LPIN2: variants seen among roughly 807,000 people sequenced by gnomAD.
LPIN2 encodes the protein lipin 2.
LPIN2 carries 55 observed loss-of-function variants against 111.4 expected under a neutral mutation model. The ratio of observed to expected loss-of-function variants is 0.49; its 90% CI spans 0.40 to 0.62. LPIN2 has a LOEUF of 0.62. Ranked by LOEUF, LPIN2 falls within the 20% of genes least tolerant of loss-of-function variation. LPIN2 has a pLI of 0.00. For synonymous variants in LPIN2, 425 were observed against 414.0 expected (o/e 1.03, Z -0.32); for missense variants, 992 against 1,112.1 (o/e 0.89, Z 1.54).
chr18:2,962,195 G>A (rs969200906), intron 1 of LPIN2, among the ~76,000 whole-genome samples: 1 of 152,116 alleles, frequency 6.6e-6, no homozygotes, highest in African/African-American at 2.4e-5. Context: ...GTGTAATCAA[G>A]GCCCATCAGT....
rs767322939 is a variant in LPIN2, at chr18:2,939,462, G to A, written c.822+18C>T. Reference sequence around the variant, plus strand: ...TTAATCATTAACACACTTTCCACAGGCAAGTAAACCCTAGTACCTTGGTGG... The same window carrying A: ...TTAATCATTAACACACTTTCCACAGACAAGTAAACCCTAGTACCTTGGTGG... On this transcript the variant is annotated intron_variant, in intron 6 of 19. Coordinates refer to ENST00000677752, the MANE Select transcript of LPIN2 (RefSeq NM_001375808.2). 5 of 1,612,842 alleles carry A rather than the reference G, an allele frequency of 3.1e-6. No homozygotes were observed. In the East Asian group the frequency reaches 1.1e-4, roughly 36 times the overall value.
intron 10 of LPIN2, 87 bp downstream of exon 10, chr18:2,928,974 AGAAG>A: frequency 3.4e-6 from 3 of 881,136 alleles, no homozygotes. Flanking sequence ...AAGTTTTATA[AGAAG>A]GAACACTTTT....
chr18:2,926,850 C>A (rs1262967779), intron 12 of LPIN2, 45 bp from the exon 13 acceptor site: 5 of 1,500,712 alleles, frequency 3.3e-6, no homozygotes, highest in Non-Finnish European at 2.8e-6. Flanking sequence ...TTTTTCCCTA[C>A]AGATAAGCCA....
At chr18:2,989,702 C>G (rs1203967039) in intron 1 of LPIN2, among the ~76,000 whole-genome samples, 2 of 152,096 alleles carry the variant, frequency 1.3e-5, no homozygotes, top group Non-Finnish European at 2.9e-5. Context: ...GGGCAGAACA[C>G]TTGAGGTCAG....
chr18:2,983,338 T>C (rs770528670), intron 1 of LPIN2, among the ~76,000 whole-genome samples: 1 of 152,176 alleles, frequency 6.6e-6, no homozygotes, highest in Non-Finnish European at 1.5e-5. Context: ...CTGGGAGATA[T>C]CCTGCTCAGT....
At chr18:2,972,429 CAA>C (rs1240813111) in intron 1 of LPIN2, 1 of 152,172 alleles carries the variant, frequency 6.6e-6, no homozygotes, top group East Asian at 1.9e-4. Flanking sequence ...AACACAACCA[CAA>C]AGTTATCCAT....
At chr18:2,923,943 CAAT>C in intron 15 of LPIN2, 82 bp from the exon 16 acceptor site, 1 of 1,088,688 alleles carries the variant, frequency 9.2e-7, no homozygotes, top group Non-Finnish European at 1.4e-6. Context: ...TATCAGCTGC[CAAT>C]AACTAATTGG....
chr18:3,006,956 C>T (rs1388322925), intron 1 of LPIN2, among the ~76,000 whole-genome samples: 4 of 151,722 alleles, frequency 2.6e-5, no homozygotes, highest in Admixed American at 1.3e-4. Context: ...GCTGAGATAG[C>T]CCCACTGCAC....
intron 3 of LPIN2, 139 bp downstream of exon 3, chr18:2,954,364 CA>C (rs2077579074): frequency 1.5e-6 from 1 of 680,468 alleles, no homozygotes. Flanking sequence ...CTTAGTTCTT[CA>C]ACATGAAACT....
At chr18:2,970,361 T>C (rs1315811619) in intron 1 of LPIN2, among the ~76,000 whole-genome samples, 2 of 152,146 alleles carry the variant, frequency 1.3e-5, no homozygotes, top group African/African-American at 2.4e-5. Flanking sequence ...GTGGGAAACA[T>C]CTGGCCCAAA....
intron 1 of LPIN2, among the ~76,000 whole-genome samples, chr18:2,978,666 T>TCAAAA (rs932451572): frequency 2.0e-5 from 3 of 152,250 alleles, no homozygotes; most frequent in Admixed American, 6.5e-5. Flanking sequence ...AGTTTCATTT[T>TCAAAA]CAAAACAAAA....
intron 16 of LPIN2, among the ~76,000 whole-genome samples, chr18:2,922,789 T>C (rs1444303413): frequency 6.6e-6 from 1 of 152,158 alleles, no homozygotes; most frequent in Non-Finnish European, 1.5e-5. Context: ...AAAGCCAGAT[T>C]AGAGGACAGA....
At chr18:2,998,725 G>T (rs1046877935) in intron 1 of LPIN2, among the ~76,000 whole-genome samples, 3 of 151,918 alleles carry the variant, frequency 2.0e-5, no homozygotes, top group Admixed American at 6.6e-5. Context: ...GCTCATATCT[G>T]AAAAAAGAAA....
intron 1 of LPIN2, among the ~76,000 whole-genome samples, chr18:3,010,305 T>C (rs1340291611): frequency 1.3e-5 from 2 of 152,222 alleles, no homozygotes; most frequent in African/African-American, 4.8e-5. Flanking sequence ...ATTACCAAGG[T>C]ATAGCCATAA....
Position 2,924,272 on chromosome 18 carries a change from T to C in LPIN2, c.2087+126A>G, listed in dbSNP as rs968644409. ...ACTGTACTGGGGACGCCTCAGAGCA[T>C]ATGGCTTATAAAATGCCTTGGCTGA... On this transcript the variant is annotated intron_variant, in intron 15 of 19. Coordinates refer to ENST00000677752, the MANE Select transcript of LPIN2 (RefSeq NM_001375808.2). 4.2e-6 allele frequency: 5 copies of C among 1,184,786 alleles called. No homozygotes were observed. The Admixed American group carries it at 7.0e-5, about 17-fold the overall frequency. 73.4% of individuals were successfully genotyped at this position (1,184,786 alleles called of 1,614,324 possible). A position where few individuals can be genotyped will look rare whatever the true frequency, so the allele number is the denominator to read the frequency against.
intron 4 of LPIN2, among the ~76,000 whole-genome samples, chr18:2,942,736 C>G (rs1301709979): frequency 6.6e-6 from 1 of 152,174 alleles, no homozygotes; most frequent in Non-Finnish European, 1.5e-5. Context: ...TCCTAAGATT[C>G]CTTTATTAAA....
rs769901079 is a variant in LPIN2 at position 2,920,375 on chromosome 18, G to C, written c.2609C>G (p.Ser870Cys). ...VFPLLSKEQN[S>C]AFPCPEFSSF... ...GCTGAACTCCGGGCAGGGAAAAGCG[G>C]AATTCTGCTCCTTACTGAGAAGGGG... Residue 870 changes from serine (S) to cysteine (C), a missense_variant, in exon 20 of 20, where the codon TCC (serine) becomes TGC (cysteine). Physicochemically the swap from Ser to Cys is moderately radical, Grantham distance 112 (BLOSUM62 -1). Transcript: ENST00000677752. 1.2e-5 allele frequency: 19 copies of C among 1,614,100 alleles called. No homozygotes were observed. Among genetic ancestry groups the C allele is most frequent in the Non-Finnish European group, 1.5e-5 (18 of 1,180,038 alleles).
chr18:2,921,596 A>G lies in LPIN2; in HGVS notation c.2379T>C (p.Asp793=). The G allele has an allele frequency of 6.2e-7, 1 of 1,614,182 alleles. No homozygotes were observed. Among genetic ancestry groups the G allele is most frequent in the Non-Finnish European group, 8.5e-7 (1 of 1,180,010 alleles). Residue 793 remains aspartate (D), a synonymous_variant, in exon 18 of 20, where the codon GAT becomes GAC. Transcript: ENST00000677752. ...TAGACGGGGCAAACAGATTCTTGATATCATTTAGACACTCAATTTTGAACT... is the reference window on the plus strand; with the variant it reads ...TAGACGGGGCAAACAGATTCTTGATGTCATTTAGACACTCAATTTTGAACT... ...PEKFKIECLN[D]IKNLFAPSKQ...
chr18:3,009,901 T>A (rs2078574415), intron 1 of LPIN2, among the ~76,000 whole-genome samples: 1 of 152,242 alleles, frequency 6.6e-6, no homozygotes, highest in Non-Finnish European at 1.5e-5. Flanking sequence ...GAAAGTGACA[T>A]TAAGAGTTTT....
Sources: allele counts gnomAD v4.1 joint callset (sites outside exome capture counted in the v4.1 genomes callset), GRCh38; gene constraint gnomAD v4.1.1; transcripts MANE v1.5; gene names NCBI Gene and HGNC (gene_info 2026-07-23, HGNC 2026-07-21).